Variants in OPN5 observed in about 807,000 individuals in gnomAD.
OPN5 encodes the protein opsin-5.
Under a neutral mutation model 41.7 loss-of-function variants are expected in OPN5, and 18 were observed. The ratio of observed to expected loss-of-function variants is 0.43; its 90% CI spans 0.30 to 0.64. OPN5 has a LOEUF of 0.64. Among genes scored for constraint, OPN5 ranks in the 30% least tolerant of loss-of-function variants. The probability of loss-of-function intolerance (pLI) is 0.13; values close to 1 mark genes in which losing one functional copy is unlikely to be tolerated. For missense variants in OPN5, 318 were observed against 434.5 expected (o/e 0.73, Z 2.38); for synonymous variants, 178 against 164.3 (o/e 1.08, Z -0.64).
intron 1 of OPN5, 107 bp from the exon 2 acceptor site, chr6:47,786,408 T>A: frequency 1.2e-6 from 1 of 844,900 alleles, no homozygotes; most frequent in East Asian, 2.5e-5. Context: ...GTCCTCTCAC[T>A]ACCCTCTAAA....
At chr6:47,786,934 T>C (rs62397904) in intron 2 of OPN5, 20,323 of 375,082 alleles carry the variant, frequency 0.054, 652 homozygotes, top group Middle Eastern at 0.12. Flanking sequence ...GCTAAATGAT[T>C]CAGAAATCAG....
chr6:47,810,196 G>T (rs1197650155), intron 5 of OPN5, among the ~76,000 whole-genome samples: 2 of 152,166 alleles, frequency 1.3e-5, no homozygotes, highest in African/African-American at 4.8e-5. Flanking sequence ...TTCTCTAGAG[G>T]GTCAGCTTTC....
At chr6:47,795,353 G>T (rs367861472) in exon 4 of OPN5, 1 of 1,614,106 alleles carries the variant, frequency 6.2e-7, no homozygotes, top group Non-Finnish European at 8.5e-7. Flanking sequence ...TCGGAACCTC[G>T]TGCACCCTGG....
At chr6:47,804,638 T>A (rs775300521) in intron 4 of OPN5, among the ~76,000 whole-genome samples, 1 of 152,218 alleles carries the variant, frequency 6.6e-6, no homozygotes, top group Non-Finnish European at 1.5e-5. Flanking sequence ...TATATTAACT[T>A]TGTATTCACT....
exon 3 of OPN5, chr6:47,791,971 T>C (rs746636822): frequency 1.4e-5 from 22 of 1,611,932 alleles, no homozygotes; most frequent in South Asian, 5.5e-5. Context: ...ATTTATCTTA[T>C]GGTAAGTTGG....
At chr6:47,797,268 C>T (rs1269822651) in intron 4 of OPN5, among the ~76,000 whole-genome samples, 1 of 152,170 alleles carries the variant, frequency 6.6e-6, no homozygotes, top group Non-Finnish European at 1.5e-5. Flanking sequence ...ATATTTTCAT[C>T]ACTCTAAATC....
chr6:47,806,219 A>G (rs1374348527), intron 4 of OPN5, among the ~76,000 whole-genome samples: 1 of 152,140 alleles, frequency 6.6e-6, no homozygotes. Flanking sequence ...TACGCAGAAG[A>G]CAGATTTGAA....
intron 2 of OPN5, among the ~76,000 whole-genome samples, chr6:47,788,809 G>GGC (rs1554139125): frequency 2.7e-5 from 4 of 148,262 alleles, no homozygotes; most frequent in East Asian, 2.0e-4. Flanking sequence ...ATAACCTGGG[G>GGC]GGGGGCGGTG....
rs1325626392 is a variant in OPN5 at position 47,811,569 on chromosome 6, C to A, written c.999-105C>A. 1.1e-5 allele frequency: 6 copies of A among 539,108 alleles called. No individual in the cohort carries two copies. In the African/African-American group the frequency reaches 1.2e-4, roughly 10 times the overall value. 33.4% of individuals were successfully genotyped at this position (539,108 alleles called of 1,614,324 possible). A position where few individuals can be genotyped will look rare whatever the true frequency, so the allele number is the denominator to read the frequency against. On this transcript the variant is annotated intron_variant, in intron 5 of 6. Transcript: ENST00000371211. Reference sequence around the variant, plus strand: ...TAATTCAAGATTTGTGCACATAATCCTCATAGTAGTCGTTTGACATATACA... The same window carrying A: ...TAATTCAAGATTTGTGCACATAATCATCATAGTAGTCGTTTGACATATACA...
intron 1 of OPN5, among the ~76,000 whole-genome samples, chr6:47,784,123 C>A (rs1773141586): frequency 6.6e-6 from 1 of 152,064 alleles, no homozygotes; most frequent in African/African-American, 2.4e-5. Flanking sequence ...ACAGGGGGAG[C>A]TTCAGGAGGA....
chr6:47,818,028 G>A (rs1762483121), intron 6 of OPN5, among the ~76,000 whole-genome samples: 1 of 152,106 alleles, frequency 6.6e-6, no homozygotes, highest in Non-Finnish European at 1.5e-5. Flanking sequence ...AGCTATATTA[G>A]GATTGACTAC....
At chr6:47,788,807 G>GGGT (rs1554139121) in intron 2 of OPN5, among the ~76,000 whole-genome samples, 3 of 147,782 alleles carry the variant, frequency 2.0e-5, no homozygotes, top group African/African-American at 7.5e-5. Flanking sequence ...GGATAACCTG[G>GGGT]GGGGGGGCGG....
intron 2 of OPN5, among the ~76,000 whole-genome samples, chr6:47,787,883 T>C (rs9367305): frequency 0.82 from 124,577 of 152,130 alleles, 51,174 homozygotes; most frequent in East Asian, 0.93. Flanking sequence ...GGTGAAAAAG[T>C]GAGACCTTAA....
In OPN5 at chr6:47,786,644, C is replaced by G. The variant is rs780382421; in HGVS notation, c.250+10C>G. On this transcript the variant is annotated intron_variant, in intron 2 of 6. Coordinates refer to ENST00000371211, the Ensembl canonical transcript of OPN5. Reference sequence around the variant, plus strand: ...GATCTGGGGATTTCAGGTAACACAACCATGCTGTGTTTTCTTTGTGGGTTT... The same window carrying G: ...GATCTGGGGATTTCAGGTAACACAAGCATGCTGTGTTTTCTTTGTGGGTTT... 8 of 1,612,184 alleles carry G rather than the reference C, an allele frequency of 5.0e-6. No homozygotes were observed. Among genetic ancestry groups the G allele is most frequent in the Non-Finnish European group, 3.4e-6 (4 of 1,178,648 alleles).
At chr6:47,799,589 C>G (rs1479496781) in intron 4 of OPN5, among the ~76,000 whole-genome samples, 2 of 152,214 alleles carry the variant, frequency 1.3e-5, no homozygotes, top group Non-Finnish European at 2.9e-5. Context: ...CTCATCAGCA[C>G]TGTAAGCTAC....
intron 4 of OPN5, among the ~76,000 whole-genome samples, chr6:47,797,177 A>T (rs997958056): frequency 2.0e-5 from 3 of 152,198 alleles, no homozygotes; most frequent in African/African-American, 7.2e-5. Context: ...ACCATATCAC[A>T]TACTGTGAGC....
downstream of OPN5, chr6:47,826,319 C>A (rs1296262773): frequency 3.9e-5 from 6 of 152,164 alleles, no homozygotes; most frequent in African/African-American, 1.4e-4. Context: ...TTTCCCAAAG[C>A]ATGATCCCCA....
At chr6:47,789,681 A>G (rs757905952) in intron 2 of OPN5, among the ~76,000 whole-genome samples, 15 of 152,216 alleles carry the variant, frequency 9.9e-5, no homozygotes, top group Non-Finnish European at 2.1e-4. Context: ...ACGTGTGTCT[A>G]GATTGCAGAA....
chr6:47,795,031 AT>A, intron 3 of OPN5, 197 bp from the exon 4 acceptor site: 1 of 507,830 alleles, frequency 2.0e-6, no homozygotes, highest in Non-Finnish European at 3.5e-6. Flanking sequence ...AAACCTTCCA[AT>A]TGTGTTCTCC....
Sources: gnomAD v4.1 joint callset for allele counts (sites outside exome capture counted in the v4.1 genomes callset) on GRCh38, gnomAD v4.1.1 for gene constraint, MANE v1.5 for transcripts, NCBI Gene and HGNC (gene_info 2026-07-23, HGNC 2026-07-21) for gene names.